RAB31: variants seen among roughly 807,000 people sequenced by gnomAD.
The protein encoded by RAB31 is RAB31, member RAS oncogene family, also known as ras-related protein Rab-31.
RAB31 carries 21 observed loss-of-function variants against 25.6 expected under a neutral mutation model. That is an observed-to-expected ratio of 0.82 (90% CI 0.58 to 1.18). The LOEUF (loss-of-function observed/expected upper bound fraction) is 1.18, where lower values mean the gene tolerates loss of function less well. Ranked by LOEUF, RAB31 falls within the 50% of genes most tolerant of loss-of-function variation. RAB31 has a pLI of 0.00. For synonymous variants in RAB31, 87 were observed against 84.0 expected (o/e 1.04, Z -0.20); for missense variants, 196 against 250.1 (o/e 0.78, Z 1.46).
chr18:9,834,937 T>C (rs947267078), intron 5 of RAB31, among the ~76,000 whole-genome samples: 5 of 152,232 alleles, frequency 3.3e-5, no homozygotes, highest in African/African-American at 1.2e-4. Flanking sequence ...TTTTTACTTA[T>C]AGTTGATCTG....
chr18:9,806,449 G>C (rs2068541836), intron 3 of RAB31, among the ~76,000 whole-genome samples: 1 of 152,042 alleles, frequency 6.6e-6, no homozygotes, highest in South Asian at 2.1e-4. Flanking sequence ...TGGTGGAGGA[G>C]GGTCCAGGCT....
At chr18:9,715,641 T>C (rs760552342) in intron 1 of RAB31, among the ~76,000 whole-genome samples, 2 of 151,906 alleles carry the variant, frequency 1.3e-5, no homozygotes, top group Non-Finnish European at 2.9e-5. Context: ...GCGATTCTCT[T>C]GCCTCAGTCT....
rs2068785144 is a variant in RAB31 at position 9,850,747 on chromosome 18, T to C, written c.490+5056T>C. Among the ~76,000 whole-genome samples the C allele has an allele frequency of 2.6e-5, 4 of 152,136 alleles. No individual in the cohort carries two copies. In the South Asian group the frequency reaches 8.3e-4, roughly 32 times the overall value. ...TGGGCATGGCGGTGTGCACCTGTAG[T>C]CCCAGCTACTCTGGAGACTGAGGCA... is the stretch of plus-strand genomic sequence containing the variant. On this transcript the variant is annotated intron_variant, in intron 6 of 6. Transcript: ENST00000578921.
intron 5 of RAB31, among the ~76,000 whole-genome samples, chr18:9,824,457 T>C (rs1238462714): frequency 6.6e-6 from 1 of 150,824 alleles, no homozygotes; most frequent in Non-Finnish European, 1.5e-5. Context: ...GATGTGTGTG[T>C]GTAGGTGTGT....
rs937239462 is a variant in RAB31 at position 9,859,418 on chromosome 18, C to T, written c.*93C>T. On this transcript the variant is annotated 3_prime_UTR_variant, in exon 7 of 7. Transcript: ENST00000578921. ...CTACGCTCGGTGGCCTGGCACCTCA[C>T]TTTGAGAAGAGTGAGCACACTGGCT... 41 of 1,116,362 alleles carry T rather than the reference C, an allele frequency of 3.7e-5. No individual in the cohort carries two copies. The highest frequency in any genetic ancestry group is 1.4e-4 in the Admixed American group (6 of 44,400). The allele number at this position is 1,116,362 out of a possible 1,614,324, so 69.2% of individuals were successfully genotyped here.
chr18:9,759,077 G>A (rs9965664), intron 1 of RAB31, among the ~76,000 whole-genome samples: 19,006 of 151,984 alleles, frequency 0.13, 1,415 homozygotes, highest in South Asian at 0.31. Context: ...TTGGACCCAG[G>A]GCTGCCTTGG....
intron 3 of RAB31, among the ~76,000 whole-genome samples, chr18:9,812,317 C>A (rs60946581): frequency 6.6e-6 from 1 of 152,084 alleles, no homozygotes; most frequent in African/African-American, 2.4e-5. Flanking sequence ...TGTCTTCCTG[C>A]GTGTGATGGT....
At chr18:9,783,358 T>G (rs2068415074) in intron 2 of RAB31, among the ~76,000 whole-genome samples, 1 of 152,166 alleles carries the variant, frequency 6.6e-6, no homozygotes, top group African/African-American at 2.4e-5. Context: ...CAGGCAGTCT[T>G]CTGGGATTTT....
intron 1 of RAB31, among the ~76,000 whole-genome samples, chr18:9,753,637 G>T (rs1368452695): frequency 6.6e-6 from 1 of 152,140 alleles, no homozygotes; most frequent in Non-Finnish European, 1.5e-5. Flanking sequence ...GGCCTCTCCT[G>T]GTCCAGTGTG....
intron 3 of RAB31, among the ~76,000 whole-genome samples, chr18:9,805,784 C>G (rs751465773): frequency 3.9e-5 from 6 of 152,216 alleles, no homozygotes; most frequent in Non-Finnish European, 5.9e-5. Flanking sequence ...ATTATATCAA[C>G]TGAAGCAACG....
chr18:9,802,632 T>C (rs1599044795), intron 3 of RAB31, among the ~76,000 whole-genome samples: 1 of 152,226 alleles, frequency 6.6e-6, no homozygotes, highest in Non-Finnish European at 1.5e-5. Flanking sequence ...CCCAGGCTGT[T>C]CAGCCATACC....
intron 5 of RAB31, among the ~76,000 whole-genome samples, chr18:9,831,333 A>G (rs747085552): frequency 1.1e-4 from 17 of 152,330 alleles, no homozygotes; most frequent in Non-Finnish European, 2.1e-4. Context: ...TCCCTTTGAC[A>G]TATGCCTATC....
chr18:9,812,930 C>G, intron 3 of RAB31, among the ~76,000 whole-genome samples: 2 of 151,706 alleles, frequency 1.3e-5, no homozygotes, highest in South Asian at 4.2e-4. Flanking sequence ...CTCCTGACCT[C>G]GGGTGATCCT....
At chr18:9,787,540 G>A (rs2068439765) in intron 2 of RAB31, 2 of 192,928 alleles carry the variant, frequency 1.0e-5, no homozygotes, top group South Asian at 1.2e-4. Context: ...GTGTGGCAAA[G>A]CCTTCAGTGT....
intron 1 of RAB31, among the ~76,000 whole-genome samples, chr18:9,761,242 C>T (rs973686000): frequency 6.6e-6 from 1 of 152,154 alleles, no homozygotes; most frequent in Non-Finnish European, 1.5e-5. Flanking sequence ...AATCAGTACT[C>T]GCAGAGCAGA....
chr18:9,829,349 C>T (rs753088270), intron 5 of RAB31, among the ~76,000 whole-genome samples: 4 of 152,226 alleles, frequency 2.6e-5, no homozygotes, highest in Non-Finnish European at 5.9e-5. Flanking sequence ...GTGTCGTTCA[C>T]TCAGCATGTT....
intron 1 of RAB31, among the ~76,000 whole-genome samples, chr18:9,734,120 G>GAGGA (rs2068138007): frequency 7.8e-6 from 1 of 128,986 alleles, no homozygotes; most frequent in African/African-American, 2.8e-5. Context: ...GGGAGGGAGG[G>GAGGA]AGGGAGGAAG....
At chr18:9,789,636 G>A (rs1427266326) in intron 2 of RAB31, among the ~76,000 whole-genome samples, 1 of 152,148 alleles carries the variant, frequency 6.6e-6, no homozygotes, top group Non-Finnish European at 1.5e-5. Context: ...GCTGGGTGGT[G>A]AAATATGATT....
chr18:9,755,413 C>T (rs929444693), intron 1 of RAB31, among the ~76,000 whole-genome samples: 8 of 152,186 alleles, frequency 5.3e-5, no homozygotes, highest in Admixed American at 1.3e-4. Context: ...GCAGGAGCTT[C>T]GTACTCTCTA....
Sources: allele counts gnomAD v4.1 joint callset (sites outside exome capture counted in the v4.1 genomes callset), GRCh38; gene constraint gnomAD v4.1.1; transcripts MANE v1.5; gene names NCBI Gene and HGNC (gene_info 2026-07-23, HGNC 2026-07-21).